PBX3: variants seen among roughly 807,000 people sequenced by gnomAD.
The protein encoded by PBX3 is pre-B-cell leukemia transcription factor 3.
A neutral mutation model predicts 48.5 loss-of-function variants in PBX3; 14 were observed. The observed-to-expected ratio is 0.29, with a 90% CI of 0.19 to 0.45. The LOEUF (loss-of-function observed/expected upper bound fraction) is 0.45, where lower values mean the gene tolerates loss of function less well. Ranked by LOEUF, PBX3 falls within the 20% of genes least tolerant of loss-of-function variation. PBX3 has a pLI of 1.00. For synonymous variants in PBX3, 210 were observed against 200.3 expected (o/e 1.05, Z -0.41); for missense variants, 386 against 546.7 (o/e 0.71, Z 2.93).
chr9:125,753,255 C>T (rs151008997), intron 2 of PBX3, among the ~76,000 whole-genome samples: 17 of 150,632 alleles, frequency 1.1e-4, no homozygotes, highest in African/African-American at 4.1e-4. Context: ...ATTGCTTTAT[C>T]AATATATTTT....
chr9:125,813,715 G>T (rs1838366598), intron 2 of PBX3, among the ~76,000 whole-genome samples: 1 of 151,938 alleles, frequency 6.6e-6, no homozygotes, highest in Non-Finnish European at 1.5e-5. Context: ...CCTTGTCCTA[G>T]CCCTGGAATC....
chr9:125,834,964 C>A (rs1208685248), intron 2 of PBX3, among the ~76,000 whole-genome samples: 3 of 122,300 alleles, frequency 2.5e-5, no homozygotes, highest in Admixed American at 1.1e-4. Flanking sequence ...TTGCAGTGAG[C>A]CAAGTTCATG....
chr9:125,890,889 A>C (rs1222993169), intron 2 of PBX3, among the ~76,000 whole-genome samples: 3 of 152,210 alleles, frequency 2.0e-5, no homozygotes, highest in African/African-American at 7.2e-5. Context: ...TTTCTTTAAA[A>C]TAAAGGATTG....
At chr9:125,763,689 A>G (rs1836729283) in intron 2 of PBX3, among the ~76,000 whole-genome samples, 2 of 152,232 alleles carry the variant, frequency 1.3e-5, no homozygotes, top group African/African-American at 4.8e-5. Flanking sequence ...GATGACAGAA[A>G]TTAATACGCA....
intron 2 of PBX3, among the ~76,000 whole-genome samples, chr9:125,835,217 ATTAAC>A (rs947368262): frequency 2.6e-5 from 4 of 152,060 alleles, no homozygotes; most frequent in Non-Finnish European, 5.9e-5. Flanking sequence ...TATGTATTAT[ATTAAC>A]TTGTTTTATT....
intron 3 of PBX3, among the ~76,000 whole-genome samples, chr9:125,923,544 A>T (rs1447054768): frequency 6.6e-6 from 1 of 152,102 alleles, no homozygotes; most frequent in African/African-American, 2.4e-5. Flanking sequence ...TTAAAACTAG[A>T]AAAATTTAAA....
intron 2 of PBX3, among the ~76,000 whole-genome samples, chr9:125,842,527 T>A (rs1293560464): frequency 2.0e-5 from 3 of 152,166 alleles, no homozygotes; most frequent in African/African-American, 7.2e-5. Flanking sequence ...GTTAAAAAAA[T>A]GTTTTTCTTG....
chr9:125,757,763 T>C (rs150742565), intron 2 of PBX3, among the ~76,000 whole-genome samples: 3,708 of 152,258 alleles, frequency 0.024, 66 homozygotes, highest in Middle Eastern at 0.051. Context: ...ACAGGAATGG[T>C]TGGGTTTATG....
At chr9:125,910,628 A>G (rs1403655852) in intron 2 of PBX3, among the ~76,000 whole-genome samples, 1 of 151,730 alleles carries the variant, frequency 6.6e-6, no homozygotes, top group Non-Finnish European at 1.5e-5. Flanking sequence ...GTCACCTTAA[A>G]TAGGAGTGAA....
At chr9:125,913,120 T>A (rs1183945914) in intron 2 of PBX3, among the ~76,000 whole-genome samples, 1 of 152,184 alleles carries the variant, frequency 6.6e-6, no homozygotes, top group African/African-American at 2.4e-5. Flanking sequence ...AGACTAGTTA[T>A]GAAAATTCCT....
chr9:125,800,167 A>C (rs920899097), intron 2 of PBX3, among the ~76,000 whole-genome samples: 20 of 152,286 alleles, frequency 1.3e-4, no homozygotes, highest in Admixed American at 1.0e-3. Context: ...TACTGATCTG[A>C]TAGAGAGATG....
chr9:125,903,046 G>A (rs946812348), intron 2 of PBX3, among the ~76,000 whole-genome samples: 19 of 151,858 alleles, frequency 1.3e-4, no homozygotes, highest in Admixed American at 1.3e-4. Context: ...GATTTGTTAT[G>A]CAATAACTTC....
intron 2 of PBX3, among the ~76,000 whole-genome samples, chr9:125,778,515 C>G (rs1837140121): frequency 6.6e-6 from 1 of 152,084 alleles, no homozygotes; most frequent in African/African-American, 2.4e-5. Flanking sequence ...CCTCAGCCTC[C>G]CAAAATGCTG....
At chr9:125,831,804 C>T (rs1390530398) in intron 2 of PBX3, among the ~76,000 whole-genome samples, 5 of 152,158 alleles carry the variant, frequency 3.3e-5, no homozygotes, top group Non-Finnish European at 7.4e-5. Flanking sequence ...CTGTGTCCTT[C>T]TGATAAGACT....
At chr9:125,855,928 A>G (rs537395731) in intron 2 of PBX3, among the ~76,000 whole-genome samples, 90 of 152,268 alleles carry the variant, frequency 5.9e-4, no homozygotes, top group African/African-American at 2.1e-3. Context: ...AAAACCTTAT[A>G]GCTTTGCACT....
At position 125,748,538 on chromosome 9, in the gene PBX3, T is replaced by C; in HGVS notation, c.201-12T>C. The C allele has an allele frequency of 6.2e-7, 1 of 1,613,154 alleles. No individual in the cohort carries two copies. The highest frequency in any genetic ancestry group is 8.5e-7 in the Non-Finnish European group (1 of 1,179,376). On this transcript the variant is annotated splice_polypyrimidine_tract_variant and intron_variant, in intron 1 of 8. Transcript: ENST00000373489. ...ATGCTAATACCTTTGTGTTTCGTTATTTGTTTTTTAGGAAACATGCCCTGA... is the reference window on the plus strand; with the variant it reads ...ATGCTAATACCTTTGTGTTTCGTTACTTGTTTTTTAGGAAACATGCCCTGA...
At chr9:125,884,128 G>C (rs1840444829) in intron 2 of PBX3, among the ~76,000 whole-genome samples, 1 of 152,214 alleles carries the variant, frequency 6.6e-6, no homozygotes, top group Non-Finnish European at 1.5e-5. Flanking sequence ...CCTGGAAAGA[G>C]AGGATTGGGG....
intron 3 of PBX3, among the ~76,000 whole-genome samples, chr9:125,918,433 A>T (rs532616425): frequency 6.6e-6 from 1 of 152,260 alleles, no homozygotes; most frequent in Admixed American, 6.5e-5. Context: ...CATGTTCTTC[A>T]TACATTTATC....
At chr9:125,841,435 G>A (rs1234970169) in intron 2 of PBX3, among the ~76,000 whole-genome samples, 2 of 152,092 alleles carry the variant, frequency 1.3e-5, no homozygotes, top group African/African-American at 4.8e-5. Context: ...TATGTTTTTT[G>A]TCTTGAACTT....
Sources: gnomAD v4.1 joint callset for allele counts (sites outside exome capture counted in the v4.1 genomes callset) on GRCh38, gnomAD v4.1.1 for gene constraint, MANE v1.5 for transcripts, NCBI Gene and HGNC (gene_info 2026-07-23, HGNC 2026-07-21) for gene names.